The following CENPE variants were observed in gnomAD, a reference collection of about 807,000 sequenced individuals.
The protein encoded by CENPE is centromere protein E, also known as centromere-associated protein E.
CENPE carries 145 observed loss-of-function variants against 336.1 expected under a neutral mutation model. The ratio of observed to expected loss-of-function variants is 0.43; its 90% CI spans 0.38 to 0.50. CENPE has a LOEUF of 0.50. Among genes scored for constraint, CENPE ranks in the 20% least tolerant of loss-of-function variants. The probability of loss-of-function intolerance (pLI) is 0.00; values close to 1 mark genes in which losing one functional copy is unlikely to be tolerated. For missense variants in CENPE, 2,719 were observed against 3,023.3 expected (o/e 0.90, Z 2.36); for synonymous variants, 1,013 against 984.8 (o/e 1.03, Z -0.54).
chr4:103,178,597 G>T lies in CENPE; in HGVS notation c.1243-1551C>A, dbSNP rs1459086066. On this transcript the variant is annotated intron_variant, in intron 13 of 48. Coordinates refer to ENST00000265148, the MANE Select transcript of CENPE (RefSeq NM_001813.3). ...CTAGGCCACCTCAACACACTATAAG[G>T]TGGCTTTCATCCCCATCACTTAAAT... Among the ~76,000 whole-genome samples, 6 of 152,012 alleles carry T rather than the reference G, an allele frequency of 3.9e-5. No individual in the cohort carries two copies. In the East Asian group the frequency reaches 1.2e-3, roughly 29 times the overall value.
At chr4:103,133,461 G>A (rs372982611) in intron 41 of CENPE, among the ~76,000 whole-genome samples, 1 of 152,168 alleles carries the variant, frequency 6.6e-6, no homozygotes, top group African/African-American at 2.4e-5. Context: ...ATGTGGAGTT[G>A]TTGTAATAAA....
At position 103,140,381 on chromosome 4, in the gene CENPE, G is replaced by A. The variant is rs780081164; in HGVS notation, c.5788C>T (p.Arg1930Cys). The A allele has an allele frequency of 1.5e-5, 24 of 1,599,824 alleles. No individual in the cohort carries two copies. The highest frequency in any genetic ancestry group is 1.7e-4 in the Middle Eastern group (1 of 6,036). Residue 1930 changes from arginine to cysteine, a missense_variant, in exon 37 of 49, where the codon CGT becomes TGT. This residue lies in a region of CENPE where 2,437 missense variants were observed against 2,513.3 expected (regional missense o/e 0.97). Transcript: ENST00000265148. ...LEIQQELKTA[R>C]MLSKEHKETV... is the part of the protein sequence containing the mutation. ...TCTTTGTGTTCTTTTGATAGCATAC[G>A]AGCAGTTTTTAGTTCCTGTTGTATT...
chr4:103,130,500 T>C (rs1249188519), intron 42 of CENPE, among the ~76,000 whole-genome samples: 1 of 152,048 alleles, frequency 6.6e-6, no homozygotes, highest in Non-Finnish European at 1.5e-5. Context: ...ACCAAACTCT[T>C]ATAAAAAAAT....
At chr4:103,171,921 A>G (rs1755448034) in intron 16 of CENPE, among the ~76,000 whole-genome samples, 1 of 151,994 alleles carries the variant, frequency 6.6e-6, no homozygotes, top group Non-Finnish European at 1.5e-5. Context: ...AATTATGAAT[A>G]AATAGAAAAC....
intron 43 of CENPE, 111 bp from the exon 44 acceptor site, chr4:103,120,444 T>C (rs11732169): frequency 1.2e-6 from 1 of 848,624 alleles, no homozygotes; most frequent in African/African-American, 1.7e-5. Context: ...TCACAGATTG[T>C]ATTAACAATG....
chr4:103,125,402 T>G (rs1272352007), intron 42 of CENPE, among the ~76,000 whole-genome samples: 1 of 152,224 alleles, frequency 6.6e-6, no homozygotes, highest in East Asian at 1.9e-4. Context: ...CAATTACTTT[T>G]GTACCCACCA....
chr4:103,106,244 A>G lies in CENPE; in HGVS notation c.8084T>C (p.Val2695Ala). ...GPWHASSGKD[V>A]PECKTQ is the part of the protein sequence containing the mutation. ...AGTCTACTGAGTTTTGCACTCAGGC[A>G]CATCCTTGCCTGAGGAGGCGTGCCA... The change falls in exon 49 of 49, where the codon GTG becomes GCG. Residue 2695 changes from valine (V) to alanine (A), a missense_variant. Physicochemically the swap from Val to Ala is moderately conservative, Grantham distance 64. Around this residue, in one of 5 missense-constraint regions of CENPE, gnomAD observed 2,437 missense variants for 2,513.3 expected, o/e 0.97. Coordinates refer to ENST00000265148, the MANE Select transcript of CENPE (RefSeq NM_001813.3). 6.3e-7 allele frequency: 1 copy of G among 1,593,104 alleles called. No individual in the cohort carries two copies.
intron 24 of CENPE, among the ~76,000 whole-genome samples, chr4:103,154,132 C>A (rs1399761884): frequency 2.0e-5 from 3 of 151,766 alleles, no homozygotes; most frequent in Non-Finnish European, 4.4e-5. Context: ...CTCCATATTG[C>A]CTACACAGGT....
Position 103,131,636 on chromosome 4 carries a change from C to T in CENPE, c.6924+1057G>A, listed in dbSNP as rs574780669. Among the ~76,000 whole-genome samples, 94 of 152,190 alleles carry T rather than the reference C, an allele frequency of 6.2e-4. 1 individual carries two copies. Among genetic ancestry groups the T allele is most frequent in the African/African-American group, 2.2e-3 (90 of 41,542 alleles). ...CAAGAGAGTTGAAAATGTATGTCCA[C>T]ACAAAAAGATACATATGTATGTTTA... is the stretch of plus-strand genomic sequence containing the variant. On this transcript the variant is annotated intron_variant, in intron 42 of 48. Coordinates refer to ENST00000265148, the MANE Select transcript of CENPE (RefSeq NM_001813.3).
chr4:103,106,026 G>A lies in CENPE; in HGVS notation c.*196C>T. On this transcript the variant is annotated 3_prime_UTR_variant, in exon 49 of 49. Transcript: ENST00000265148. ...TTAAAAGTATTACCATATGCAAGAA[G>A]AAGGTATTGCTATCACCATTCTAAA... The A allele has an allele frequency of 7.9e-6, 3 of 378,604 alleles. No homozygotes were observed. Among genetic ancestry groups the A allele is most frequent in the Non-Finnish European group, 9.4e-6 (2 of 212,884 alleles). The allele number at this position is 378,604 out of a possible 1,614,324, so 23.5% of individuals were successfully genotyped here.
intron 46 of CENPE, among the ~76,000 whole-genome samples, chr4:103,112,015 T>C (rs1237293445): frequency 3.9e-5 from 6 of 151,982 alleles, no homozygotes; most frequent in African/African-American, 1.4e-4. Context: ...TATATGTATA[T>C]ACACTTTTTT....
At position 103,140,870 on chromosome 4, in the gene CENPE, T is replaced by C. The variant is rs546286554; in HGVS notation, c.5698A>G (p.Thr1900Ala). Residue 1900 changes from threonine (T) to alanine (A), a missense_variant, in exon 36 of 49, where the codon ACA becomes GCA. Around this residue, in one of 5 missense-constraint regions of CENPE, gnomAD observed 2,437 missense variants for 2,513.3 expected, o/e 0.97. Transcript: ENST00000265148. Reference sequence around the variant, plus strand: ...AGTTGGTCTCTCTCCAGTTTGAGTGTCTCCTCTACTCTTCTTAGATTATCT... The same window carrying C: ...AGTTGGTCTCTCTCCAGTTTGAGTGCCTCCTCTACTCTTCTTAGATTATCT... ...ERDNLRRVEE[T>A]LKLERDQLKE... 5.6e-6 allele frequency: 9 copies of C among 1,607,370 alleles called. No individual in the cohort carries two copies. The South Asian group carries it at 9.0e-5, about 16-fold the overall frequency.
chr4:103,139,642 A>G (rs1752367744), intron 38 of CENPE, 147 bp downstream of exon 38: 4 of 634,348 alleles, frequency 6.3e-6, no homozygotes, highest in Non-Finnish European at 9.9e-6. Context: ...ACTGTTTTCT[A>G]TTGTGTAAAA....
chr4:103,153,007 G>T, intron 25 of CENPE, 40 bp downstream of exon 25: 1 of 1,398,662 alleles, frequency 7.1e-7, no homozygotes, highest in Non-Finnish European at 9.8e-7. Context: ...AACAAATGAA[G>T]ACAAAAAGGT....
Position 103,139,926 on chromosome 4 carries a change from A to T in CENPE, c.6067T>A (p.Leu2023Met). 1 of 1,613,400 alleles carries T rather than the reference A, an allele frequency of 6.2e-7. No homozygotes were observed. Among genetic ancestry groups the T allele is most frequent in the African/African-American group, 1.3e-5 (1 of 75,028 alleles). The change falls in exon 38 of 49, where the codon TTG becomes ATG. Residue 2023 changes from leucine to methionine, a missense_variant. Coordinates refer to ENST00000265148, the MANE Select transcript of CENPE (RefSeq NM_001813.3). ...AGGCTTTCATGAAGTTTCTTAGTCA[A>T]CTGGAAGTTATCCATTCTCACACTT... ...MQSVRMDNFQ[L>M]TKKLHESLEE...
Position 103,110,901 on chromosome 4 carries a change from T to G in CENPE, c.7651A>C (p.Arg2551=). 6.2e-7 allele frequency: 1 copy of G among 1,611,678 alleles called. No individual in the cohort carries two copies. The highest frequency in any genetic ancestry group is 1.1e-5 in the South Asian group (1 of 90,528). ...AACTTAGAAATTTCTTTTTCTAGCC[T>G]TATATGTTCACTTTTCAAAATAAGA... ...KALILKSEHI[R]LEKEISKLKQ... Residue 2551 remains arginine, a synonymous_variant, in exon 47 of 49, where the codon AGG becomes CGG. Coordinates refer to ENST00000265148, the MANE Select transcript of CENPE (RefSeq NM_001813.3).
chr4:103,174,725 GTC>G lies in CENPE; in HGVS notation c.1647+9_1647+10del. On this transcript the variant is annotated intron_variant, in intron 16 of 48. Transcript: ENST00000265148. ...GCTTTTAGTTTAGTTTTACATTTCT[GTC>G]TCTCTTACCTCTTGATCTTTTTTAG... 6.8e-7 allele frequency: 1 copy of G among 1,469,202 alleles called. No individual in the cohort carries two copies. The highest frequency in any genetic ancestry group is 9.1e-7 in the Non-Finnish European group (1 of 1,104,714). The allele number at this position is 1,469,202 out of a possible 1,614,324, so 91.0% of individuals were successfully genotyped here.
chr4:103,190,961 A>C (rs994305546), intron 8 of CENPE, among the ~76,000 whole-genome samples: 1 of 152,054 alleles, frequency 6.6e-6, no homozygotes, highest in Non-Finnish European at 1.5e-5. Context: ...AAAAAAACAA[A>C]CAACCACATC....
intron 42 of CENPE, among the ~76,000 whole-genome samples, chr4:103,131,064 A>G (rs1411752750): frequency 6.6e-6 from 1 of 152,232 alleles, no homozygotes; most frequent in African/African-American, 2.4e-5. Flanking sequence ...ACTCAAAGGC[A>G]TAATCTATGA....
Sources: allele counts gnomAD v4.1 joint callset (sites outside exome capture counted in the v4.1 genomes callset), GRCh38; gene constraint gnomAD v4.1.1; regional missense constraint gnomAD v4.1.1; transcripts MANE v1.5; gene names NCBI Gene and HGNC (gene_info 2026-07-23, HGNC 2026-07-21).